MACROD2: variants seen among roughly 807,000 people sequenced by gnomAD.
MACROD2 encodes ADP-ribose glycohydrolase MACROD2.
Under a neutral mutation model 70.4 loss-of-function variants are expected in MACROD2, and 36 were observed. That is an observed-to-expected ratio of 0.51 (90% confidence interval 0.39 to 0.68). The LOEUF is 0.68. MACROD2 is among the 30% of genes least tolerant of loss of function. The probability of loss-of-function intolerance (pLI) is 0.00; values close to 1 mark genes in which losing one functional copy is unlikely to be tolerated. For synonymous variants in MACROD2, 172 were observed against 178.8 expected (o/e 0.96, Z 0.30); for missense variants, 496 against 538.4 (o/e 0.92, Z 0.78).
chr20:14,793,071 C>T (rs2072468718), intron 5 of MACROD2, among the ~76,000 whole-genome samples: 1 of 151,926 alleles, frequency 6.6e-6, no homozygotes, highest in South Asian at 2.1e-4. Context: ...GAGGAAACAG[C>T]CTGGTCTAAT....
chr20:15,981,838 T>C (rs115312605), intron 13 of MACROD2, among the ~76,000 whole-genome samples: 6,816 of 152,210 alleles, frequency 0.045, 522 homozygotes, highest in African/African-American at 0.16. Flanking sequence ...GGGTTACAGT[T>C]CTCACTCGTG....
intron 5 of MACROD2, among the ~76,000 whole-genome samples, chr20:14,854,182 T>A (rs2073228884): frequency 6.6e-6 from 1 of 152,142 alleles, no homozygotes; most frequent in Non-Finnish European, 1.5e-5. Context: ...AGCACATCCA[T>A]CTTCACCAGG....
In MACROD2 at chr20:14,690,172, T is replaced by A. The variant is rs187559148; in HGVS notation, c.418+5213T>A. 3.9e-4 allele frequency among the ~76,000 whole-genome samples: 60 copies of A among 152,290 alleles called. No homozygotes were observed. In the Middle Eastern group the frequency reaches 0.01, roughly 26 times the overall value. ...CTATTTTATTTCTTTAGAATGCTTC[T>A]CTCTTAGGCTTCAGGGCTGAATAGT... On this transcript the variant is annotated intron_variant, in intron 5 of 17. Coordinates refer to ENST00000684519, the MANE Select transcript of MACROD2 (RefSeq NM_001351661.2).
chr20:14,676,722 A>G (rs1035725907), intron 4 of MACROD2, among the ~76,000 whole-genome samples: 4 of 152,202 alleles, frequency 2.6e-5, no homozygotes, highest in African/African-American at 7.2e-5. Flanking sequence ...ACATCAGAGC[A>G]GAACTGAAGG....
intron 5 of MACROD2, among the ~76,000 whole-genome samples, chr20:15,060,565 C>T (rs1013763841): frequency 6.6e-6 from 1 of 152,128 alleles, no homozygotes; most frequent in Admixed American, 6.5e-5. Flanking sequence ...TGACTTCCCC[C>T]ATCTTCCAAC....
chr20:15,812,606 C>G (rs559584077), intron 8 of MACROD2, among the ~76,000 whole-genome samples: 1 of 152,024 alleles, frequency 6.6e-6, no homozygotes, highest in South Asian at 2.1e-4. Flanking sequence ...AGTCTGCATC[C>G]TTGCAAGAAT....
At chr20:15,501,983 A>G (rs188072731) in intron 8 of MACROD2, among the ~76,000 whole-genome samples, 1 of 152,290 alleles carries the variant, frequency 6.6e-6, no homozygotes, top group East Asian at 1.9e-4. Context: ...CACTCATTTG[A>G]TAAATATTTA....
chr20:14,467,993 G>T (rs2084477714), intron 3 of MACROD2, among the ~76,000 whole-genome samples: 1 of 151,996 alleles, frequency 6.6e-6, no homozygotes, highest in Non-Finnish European at 1.5e-5. Context: ...TATCATTTCT[G>T]TTCTTTTGCA....
intron 5 of MACROD2, among the ~76,000 whole-genome samples, chr20:15,047,745 G>C (rs1252527914): frequency 1.3e-5 from 2 of 152,096 alleles, no homozygotes; most frequent in Non-Finnish European, 2.9e-5. Flanking sequence ...GAGTAGCAGT[G>C]GCTAAGGCTT....
chr20:15,235,544 A>C (rs1479047855), intron 6 of MACROD2, among the ~76,000 whole-genome samples: 1 of 152,226 alleles, frequency 6.6e-6, no homozygotes, highest in African/African-American at 2.4e-5. Context: ...TGTGGCAATC[A>C]AGCAATTTTG....
chr20:14,064,714 T>C (rs547862223), intron 2 of MACROD2, among the ~76,000 whole-genome samples: 1 of 152,318 alleles, frequency 6.6e-6, no homozygotes, highest in African/African-American at 2.4e-5. Flanking sequence ...ATCCTACTTA[T>C]TGGTTAAATG....
chr20:14,566,228 C>T (rs895226800), intron 4 of MACROD2, among the ~76,000 whole-genome samples: 1 of 151,898 alleles, frequency 6.6e-6, no homozygotes, highest in African/African-American at 2.4e-5. Context: ...AAGCATGTTA[C>T]AGAAGACAAA....
chr20:15,108,507 C>T (rs1205073279), intron 5 of MACROD2, among the ~76,000 whole-genome samples: 1 of 152,158 alleles, frequency 6.6e-6, no homozygotes, highest in Non-Finnish European at 1.5e-5. Context: ...CTAATGATAG[C>T]TGGCCTGGCC....
chr20:14,544,739 G>T (rs1484616911), intron 4 of MACROD2, among the ~76,000 whole-genome samples: 1 of 152,128 alleles, frequency 6.6e-6, no homozygotes, highest in African/African-American at 2.4e-5. Flanking sequence ...AAGGCAACTG[G>T]AGCTTAATGA....
intron 5 of MACROD2, among the ~76,000 whole-genome samples, chr20:14,696,181 T>C (rs2123622716): frequency 6.6e-6 from 1 of 152,110 alleles, no homozygotes; most frequent in East Asian, 1.9e-4. Flanking sequence ...GATAGATAGA[T>C]AGATCGATAG....
intron 5 of MACROD2, among the ~76,000 whole-genome samples, chr20:14,971,529 A>T (rs2074691369): frequency 6.6e-6 from 1 of 152,028 alleles, no homozygotes; most frequent in African/African-American, 2.4e-5. Flanking sequence ...TTATTAAATC[A>T]CCGCAGAATC....
chr20:15,414,576 T>A (rs1003565375), intron 6 of MACROD2, among the ~76,000 whole-genome samples: 5 of 152,070 alleles, frequency 3.3e-5, no homozygotes, highest in Non-Finnish European at 5.9e-5. Context: ...TGAGAGGAGT[T>A]AGGTATTTAA....
At chr20:15,260,972 A>C (rs1442078934) in intron 6 of MACROD2, among the ~76,000 whole-genome samples, 1 of 151,988 alleles carries the variant, frequency 6.6e-6, no homozygotes, top group Admixed American at 6.6e-5. Flanking sequence ...CCATGAGGTT[A>C]TTCAATCTTG....
rs184044083 is a variant in MACROD2 at position 15,160,133 on chromosome 20, T to C, written c.419-69807T>C. Among the ~76,000 whole-genome samples, 123 of 152,078 alleles carry C rather than the reference T, an allele frequency of 8.1e-4. 1 individual carries two copies. Among genetic ancestry groups the C allele is most frequent in the African/African-American group, 2.6e-3 (107 of 41,516 alleles). ...GTATTTCAGAGACAATTGGAACCCC[T>C]TAATATTTGGCCAGGGTGTGTTGAA... is the stretch of plus-strand genomic sequence containing the variant. On this transcript the variant is annotated intron_variant, in intron 5 of 17. Coordinates refer to ENST00000684519, the MANE Select transcript of MACROD2 (RefSeq NM_001351661.2).
Sources: gnomAD v4.1 joint callset for allele counts (sites outside exome capture counted in the v4.1 genomes callset) on GRCh38, gnomAD v4.1.1 for gene constraint, MANE v1.5 for transcripts, NCBI Gene and HGNC (gene_info 2026-07-23, HGNC 2026-07-21) for gene names.